WDR7: variants seen among roughly 807,000 people sequenced by gnomAD.
WDR7 encodes WD repeat-containing protein 7.
WDR7 carries 46 observed loss-of-function variants against 169.4 expected under a neutral mutation model. That is an observed-to-expected ratio of 0.27 (90% CI 0.21 to 0.35). WDR7 has a LOEUF of 0.35. Ranked by LOEUF, WDR7 falls within the 10% of genes least tolerant of loss-of-function variation. The pLI is 1.00. For synonymous variants in WDR7, 612 were observed against 666.8 expected (o/e 0.92, Z 1.27); for missense variants, 1,534 against 1,859.3 (o/e 0.83, Z 3.22).
intron 26 of WDR7, among the ~76,000 whole-genome samples, chr18:57,015,727 G>A (rs958309493): frequency 6.6e-6 from 1 of 152,196 alleles, no homozygotes; most frequent in Non-Finnish European, 1.5e-5. Context: ...CCAAACGTAC[G>A]ATGAGTGCTG....
At chr18:56,999,132 G>A (rs1471693196) in intron 26 of WDR7, among the ~76,000 whole-genome samples, 2 of 152,198 alleles carry the variant, frequency 1.3e-5, no homozygotes, top group Non-Finnish European at 2.9e-5. Flanking sequence ...GAGGCTGTCA[G>A]TGAAATGAAA....
chr18:56,744,352 C>A (rs1245148803), intron 14 of WDR7, among the ~76,000 whole-genome samples: 2 of 151,368 alleles, frequency 1.3e-5, no homozygotes, highest in Non-Finnish European at 2.9e-5. Flanking sequence ...ATTCCTAAAG[C>A]CTTCCCATTT....
chr18:56,838,202 T>C (rs1387244237), intron 20 of WDR7, among the ~76,000 whole-genome samples: 1 of 151,134 alleles, frequency 6.6e-6, no homozygotes, highest in Non-Finnish European at 1.5e-5. Context: ...CATTGTTGCT[T>C]TATTATTATT....
At chr18:56,793,990 A>G (rs1395464863) in intron 19 of WDR7, among the ~76,000 whole-genome samples, 1 of 152,158 alleles carries the variant, frequency 6.6e-6, no homozygotes, top group Non-Finnish European at 1.5e-5. Flanking sequence ...GTTGCTGCAT[A>G]GAGTTATTAG....
intron 21 of WDR7, among the ~76,000 whole-genome samples, chr18:56,921,188 T>G (rs1398223912): frequency 6.6e-6 from 1 of 152,244 alleles, no homozygotes; most frequent in African/African-American, 2.4e-5. Context: ...CCTTTTTCAC[T>G]TCTGTTATTT....
intron 19 of WDR7, among the ~76,000 whole-genome samples, chr18:56,804,383 A>G (rs1236157011): frequency 3.3e-5 from 5 of 152,348 alleles, no homozygotes; most frequent in African/African-American, 1.2e-4. Context: ...TGAAAATATA[A>G]TTCTGGAAAA....
intron 13 of WDR7, among the ~76,000 whole-genome samples, chr18:56,720,252 G>T (rs2026290941): frequency 6.6e-6 from 1 of 152,016 alleles, no homozygotes; most frequent in Admixed American, 6.6e-5. Context: ...TTTGAGACCA[G>T]CCTGGGAGAC....
intron 26 of WDR7, among the ~76,000 whole-genome samples, chr18:57,008,111 C>A (rs1419784859): frequency 1.3e-5 from 2 of 152,130 alleles, no homozygotes; most frequent in Non-Finnish European, 2.9e-5. Flanking sequence ...GACACCTTCC[C>A]ACTGATCCCT....
At chr18:56,832,828 T>C (rs975281936) in intron 20 of WDR7, among the ~76,000 whole-genome samples, 1 of 152,098 alleles carries the variant, frequency 6.6e-6, no homozygotes, top group Admixed American at 6.5e-5. Flanking sequence ...AAACCCCATC[T>C]GAAGGTCACC....
At chr18:56,778,369 A>G (rs2044269817) in intron 17 of WDR7, among the ~76,000 whole-genome samples, 1 of 152,288 alleles carries the variant, frequency 6.6e-6, no homozygotes, top group East Asian at 1.9e-4. Context: ...CAGATAATTC[A>G]TCTTGTAACA....
chr18:56,674,688 A>ATC (rs3983279), intron 2 of WDR7, among the ~76,000 whole-genome samples: 124,898 of 152,028 alleles, frequency 0.82, 52,020 homozygotes, highest in East Asian at 1. Flanking sequence ...AGTTCAGTTT[A>ATC]TCTTTTTCCT....
At chr18:56,810,037 C>A (rs1020093992) in intron 19 of WDR7, among the ~76,000 whole-genome samples, 7 of 151,968 alleles carry the variant, frequency 4.6e-5, no homozygotes, top group South Asian at 2.1e-4. Flanking sequence ...AACATAAGGT[C>A]CTGATAGAAC....
At position 56,769,329 on chromosome 18, in the gene WDR7, A is replaced by G. The variant is rs2044117127; in HGVS notation, c.2849-7453A>G. Among the ~76,000 whole-genome samples the G allele has an allele frequency of 2.6e-5, 4 of 151,458 alleles. No individual in the cohort carries two copies. The South Asian group carries it at 8.3e-4, about 31-fold the overall frequency. Reference sequence around the variant, plus strand: ...CGACTTCCAGTCGAGGCTCTTGAATAGTTGGGACTATAGTCAAAGGCCACC... The same window carrying G: ...CGACTTCCAGTCGAGGCTCTTGAATGGTTGGGACTATAGTCAAAGGCCACC... On this transcript the variant is annotated intron_variant, in intron 16 of 27. Coordinates refer to ENST00000254442, the MANE Select transcript of WDR7 (RefSeq NM_015285.3).
chr18:56,885,826 C>CAAA (rs1191655744), intron 21 of WDR7, among the ~76,000 whole-genome samples: 2 of 76,546 alleles, frequency 2.6e-5, no homozygotes, highest in Non-Finnish European at 3.2e-5. Context: ...GACTCTGTCT[C>CAAA]AAAAAAAAAA....
intron 16 of WDR7, among the ~76,000 whole-genome samples, chr18:56,774,392 G>A (rs2044210976): frequency 6.6e-6 from 1 of 152,070 alleles, no homozygotes; most frequent in African/African-American, 2.4e-5. Context: ...CTTTTCTTAT[G>A]AGAGTAAGCA....
chr18:56,651,375 T>TGGCGGCGGCGGC lies in WDR7; in HGVS notation c.-217_-206dup, dbSNP rs150700087. The TGGCGGCGGCGGC allele has an allele frequency of 4.8e-3, 734 of 153,186 alleles. 65 individuals carry two copies. The highest frequency in any genetic ancestry group is 7.4e-3 in the Non-Finnish European group (509 of 69,002). The allele number at this position is 153,186 out of a possible 1,614,324, so 9.5% of individuals were successfully genotyped here. A position where few individuals can be genotyped will look rare whatever the true frequency, so the allele number is the denominator to read the frequency against. On this transcript the variant is annotated 5_prime_UTR_variant, in exon 1 of 28. Coordinates refer to ENST00000254442, the MANE Select transcript of WDR7 (RefSeq NM_015285.3). ...GCTGGTGTCAGCTGATTTACTGCAG[T>TGGCGGCGGCGGC]GGCGGCGGCGGCGGCACCGGCACCT...
intron 16 of WDR7, among the ~76,000 whole-genome samples, chr18:56,767,686 A>G (rs1434468385): frequency 6.6e-6 from 1 of 152,190 alleles, no homozygotes. Flanking sequence ...TGTTCCAAAT[A>G]TCTATTATTT....
intron 16 of WDR7, among the ~76,000 whole-genome samples, chr18:56,762,714 T>C (rs781572928): frequency 7.2e-5 from 11 of 152,124 alleles, no homozygotes; most frequent in African/African-American, 1.2e-4. Context: ...TTTGACTTTA[T>C]CCTTTCTAGT....
At chr18:56,749,937 T>G (rs1409969952) in intron 14 of WDR7, among the ~76,000 whole-genome samples, 1 of 150,234 alleles carries the variant, frequency 6.7e-6, no homozygotes, top group Non-Finnish European at 1.5e-5. Context: ...ATGATAAGGA[T>G]TCATCAACAT....
Sources: gnomAD v4.1 joint callset for allele counts (sites outside exome capture counted in the v4.1 genomes callset) on GRCh38, gnomAD v4.1.1 for gene constraint, MANE v1.5 for transcripts, NCBI Gene and HGNC (gene_info 2026-07-23, HGNC 2026-07-21) for gene names.